STXBP5: variants seen among roughly 807,000 people sequenced by gnomAD.
STXBP5 encodes the protein syntaxin-binding protein 5.
Under a neutral mutation model 152.4 loss-of-function variants are expected in STXBP5, and 50 were observed. The ratio of observed to expected loss-of-function variants is 0.33; its 90% confidence interval spans 0.26 to 0.42. The LOEUF (loss-of-function observed/expected upper bound fraction) is 0.42. Among genes scored for constraint, STXBP5 ranks in the 10% least tolerant of loss-of-function variants. The pLI, the probability that STXBP5 is intolerant of heterozygous loss-of-function variation, is 1.00. For missense variants in STXBP5, 1,167 were observed against 1,388.6 expected, an observed-to-expected ratio of 0.84 and a Z score of 2.54; for synonymous variants, 492 against 494.7, an observed-to-expected ratio of 0.99 and a Z score of 0.07.
intron 6 of STXBP5, among the ~76,000 whole-genome samples, chr6:147,263,718 T>TC (rs1345626952): frequency 2.0e-5 from 3 of 152,074 alleles, no homozygotes; most frequent in African/African-American, 4.8e-5. Context: ...TGTTTGGAAT[T>TC]CTCTTTCCAT....
rs114327673 is a variant in STXBP5 at position 147,215,110 on chromosome 6, T to C, written c.248+9042T>C. Among the ~76,000 whole-genome samples, 1,101 of 152,298 alleles carry C rather than the reference T, an allele frequency of 7.2e-3. 13 individuals are homozygous for C. Among genetic ancestry groups the C allele is most frequent in the African/African-American group, 0.025 (1,056 of 41,562 alleles). Reference sequence around the variant, plus strand: ...AACTCTGCTTCTATATTAGCACAAATGCAACCATAAACAATATCTAATGAA... The same window carrying C: ...AACTCTGCTTCTATATTAGCACAAACGCAACCATAAACAATATCTAATGAA... On this transcript the variant is annotated intron_variant, in intron 2 of 27. Transcript: ENST00000321680.
At chr6:147,291,592 A>T (rs1212663367) in intron 9 of STXBP5, among the ~76,000 whole-genome samples, 1 of 152,156 alleles carries the variant, frequency 6.6e-6, no homozygotes, top group Non-Finnish European at 1.5e-5. Context: ...TCTGCCAATT[A>T]TGAAAATAAA....
rs1379980913 is a variant in STXBP5, at chr6:147,353,275, A to G, written c.2255-48A>G. ...ATCTTGAAAATCAGTTGATATTAGT[A>G]TGAATCAAATATTCTTCAGAATTTT... On this transcript the variant is annotated intron_variant, in intron 21 of 27. Transcript: ENST00000321680. The G allele has an allele frequency of 3.2e-6, 4 of 1,251,454 alleles. No individual in the cohort carries two copies. In the Admixed American group the frequency reaches 8.7e-5, roughly 27 times the overall value. The allele number at this position is 1,251,454 out of a possible 1,614,324, so 77.5% of individuals were successfully genotyped here.
intron 4 of STXBP5, among the ~76,000 whole-genome samples, chr6:147,259,021 T>A (rs1421142483): frequency 6.6e-6 from 1 of 152,114 alleles, no homozygotes; most frequent in Admixed American, 6.6e-5. Context: ...TTCTCTCTTC[T>A]CAGTTTACTT....
At chr6:147,229,561 G>A (rs1259128577) in intron 2 of STXBP5, among the ~76,000 whole-genome samples, 2 of 151,644 alleles carry the variant, frequency 1.3e-5, no homozygotes, top group East Asian at 1.9e-4. Flanking sequence ...GTACTTTGTA[G>A]TTTTTAATGT....
At chr6:147,216,334 G>A (rs376173000) in intron 2 of STXBP5, among the ~76,000 whole-genome samples, 1 of 152,130 alleles carries the variant, frequency 6.6e-6, no homozygotes, top group African/African-American at 2.4e-5. Context: ...GGAGGTTGCC[G>A]TGAGCTGAGA....
chr6:147,242,509 C>T (rs1018113328), intron 4 of STXBP5, among the ~76,000 whole-genome samples: 1 of 152,200 alleles, frequency 6.6e-6, no homozygotes, highest in Non-Finnish European at 1.5e-5. Context: ...GAGCAACTTC[C>T]ATTCCTGCAA....
chr6:147,300,150 G>T (rs536790339), intron 9 of STXBP5, among the ~76,000 whole-genome samples: 3 of 152,072 alleles, frequency 2.0e-5, no homozygotes, highest in Non-Finnish European at 4.4e-5. Context: ...ATTGAGGAAA[G>T]AAATTGAAGA....
chr6:147,302,874 T>A (rs1781894954), intron 9 of STXBP5, among the ~76,000 whole-genome samples: 1 of 152,222 alleles, frequency 6.6e-6, no homozygotes, highest in Non-Finnish European at 1.5e-5. Flanking sequence ...TATTGATTTT[T>A]ATAATCAGGT....
chr6:147,248,373 G>A (rs1258684562), intron 4 of STXBP5, among the ~76,000 whole-genome samples: 1 of 152,004 alleles, frequency 6.6e-6, no homozygotes, highest in South Asian at 2.1e-4. Context: ...CATTAAAGTA[G>A]AGATGCAAAT....
rs745376252 is a variant in STXBP5, at chr6:147,316,250, T to C, written c.1645T>C (p.Tyr549His). The C allele has an allele frequency of 1.9e-6, 3 of 1,613,962 alleles. No homozygotes were observed. Among genetic ancestry groups the C allele is most frequent in the African/African-American group, 2.7e-5 (2 of 75,024 alleles). ...ACAGATGCTTGAAGTTCGATTATTATATGAGATAAATGATGTGGAAACTCC... is the reference window on the plus strand; with the variant it reads ...ACAGATGCTTGAAGTTCGATTATTACATGAGATAAATGATGTGGAAACTCC... ...VIPMLEVRLLYEINDVETPEG... is the reference protein window; with the variant it reads ...VIPMLEVRLLHEINDVETPEG... Residue 549 changes from tyrosine (Y) to histidine (H), a missense_variant, in exon 16 of 28, where the codon TAT (tyrosine) becomes CAT (histidine). Transcript: ENST00000321680.
intron 25 of STXBP5, 134 bp downstream of exon 25, chr6:147,364,300 A>T (rs1255055562): frequency 1.4e-6 from 1 of 739,526 alleles, no homozygotes; most frequent in Non-Finnish European, 2.1e-6. Flanking sequence ...GTTGAATTAG[A>T]CTTTCAGAGC....
intron 4 of STXBP5, among the ~76,000 whole-genome samples, chr6:147,242,433 A>G (rs551109297): frequency 1.2e-4 from 18 of 152,246 alleles, no homozygotes; most frequent in Non-Finnish European, 2.5e-4. Flanking sequence ...GTGTTTATAA[A>G]GTCTACACTA....
chr6:147,358,534 C>A (rs959650592), intron 22 of STXBP5, among the ~76,000 whole-genome samples: 1 of 152,084 alleles, frequency 6.6e-6, no homozygotes, highest in Non-Finnish European at 1.5e-5. Context: ...TTCAATTGTA[C>A]TTGACCTTTA....
At chr6:147,314,242 A>T (rs772691233) in intron 12 of STXBP5, 22 bp from the exon 13 acceptor site, 5 of 1,594,994 alleles carry the variant, frequency 3.1e-6, no homozygotes, top group Middle Eastern at 1.7e-4. Context: ...AAGTTGCTTT[A>T]TACAGTCATC....
At chr6:147,299,080 C>T (rs968399015) in intron 9 of STXBP5, among the ~76,000 whole-genome samples, 5 of 151,712 alleles carry the variant, frequency 3.3e-5, no homozygotes, top group Non-Finnish European at 5.9e-5. Context: ...ATCAATGAAA[C>T]ACAGTTTGTT....
intron 16 of STXBP5, among the ~76,000 whole-genome samples, chr6:147,316,991 A>G (rs1782677519): frequency 6.6e-6 from 1 of 152,218 alleles, no homozygotes; most frequent in Admixed American, 6.5e-5. Flanking sequence ...AAATAAAACA[A>G]TGAGTAAGAA....
chr6:147,353,418 G>T, intron 22 of STXBP5, 45 bp downstream of exon 22: 1 of 1,317,262 alleles, frequency 7.6e-7, no homozygotes, highest in South Asian at 1.5e-5. Flanking sequence ...CCTATAATGG[G>T]AAGACAAGGA....
chr6:147,224,992 A>G (rs1777639549), intron 2 of STXBP5, among the ~76,000 whole-genome samples: 2 of 152,216 alleles, frequency 1.3e-5, no homozygotes. Context: ...GTAGTAAGGC[A>G]ATTCAGAGTA....
Sources: allele counts gnomAD v4.1 joint callset (sites outside exome capture counted in the v4.1 genomes callset), GRCh38; gene constraint gnomAD v4.1.1; transcripts MANE v1.5; gene names NCBI Gene and HGNC (gene_info 2026-07-23, HGNC 2026-07-21).